ALDH1A1: variants seen among roughly 807,000 people sequenced by gnomAD.
ALDH1A1 encodes aldehyde dehydrogenase 1 family member A1.
In ALDH1A1, 19 loss-of-function variants were observed where a neutral mutation model predicts 62.1. The ratio of observed to expected loss-of-function variants is 0.31; its 90% CI spans 0.21 to 0.45. The LOEUF (loss-of-function observed/expected upper bound fraction) is 0.45. Ranked by LOEUF, ALDH1A1 falls within the 20% of genes least tolerant of loss-of-function variation. The probability of loss-of-function intolerance (pLI) is 1.00; values close to 1 mark genes in which losing one functional copy is unlikely to be tolerated. For synonymous variants in ALDH1A1, 231 were observed against 215.9 expected (o/e 1.07, Z -0.61); for missense variants, 521 against 607.1 (o/e 0.86, Z 1.49).
intron 2 of ALDH1A1, among the ~76,000 whole-genome samples, chr9:72,934,668 C>T (rs1030206886): frequency 6.6e-6 from 1 of 152,162 alleles, no homozygotes; most frequent in Admixed American, 6.5e-5. Context: ...ATCAATCTAC[C>T]TAAAACCTTG....
intron 9 of ALDH1A1, among the ~76,000 whole-genome samples, chr9:72,912,378 T>G (rs1020036360): frequency 8.5e-5 from 13 of 152,154 alleles, no homozygotes; most frequent in Non-Finnish European, 1.3e-4. Flanking sequence ...CATTCAGCAC[T>G]GCAAACACAT....
chr9:72,937,216 C>T (rs924000522), intron 2 of ALDH1A1, among the ~76,000 whole-genome samples: 10 of 151,934 alleles, frequency 6.6e-5, no homozygotes, highest in African/African-American at 2.2e-4. Flanking sequence ...GTATATCTAT[C>T]GAATATAGTA....
At chr9:72,937,358 A>G (rs1830358347) in intron 2 of ALDH1A1, among the ~76,000 whole-genome samples, 1 of 152,214 alleles carries the variant, frequency 6.6e-6, no homozygotes, top group African/African-American at 2.4e-5. Context: ...GTTATAATAC[A>G]GGCAAATACA....
chr9:72,927,067 T>C lies in ALDH1A1; in HGVS notation c.504+49A>G. ...GAGAAAGCTTCATCATTAGATAGAA[T>C]AAGAACTCTTCTTTTTAAAATTGAG... On this transcript the variant is annotated intron_variant, in intron 5 of 12. Coordinates refer to ENST00000297785, the MANE Select transcript of ALDH1A1 (RefSeq NM_000689.5). 2 of 1,339,472 alleles carry C rather than the reference T, an allele frequency of 1.5e-6. 1 individual carries two copies. The highest frequency in any genetic ancestry group is 3.8e-4 in the Middle Eastern group (2 of 5,308). 83.0% of individuals were successfully genotyped at this position (1,339,472 alleles called of 1,614,324 possible).
rs1829955528 is a variant in ALDH1A1, at chr9:72,909,692, T to A, written c.1268A>T (p.Asn423Ile). The change falls in exon 11 of 13, where the codon AAT becomes ATT. Residue 423 changes from asparagine to isoleucine, a missense_variant. By Grantham distance (149) the Asn-to-Ile change is moderately radical. Coordinates refer to ENST00000297785, the MANE Select transcript of ALDH1A1 (RefSeq NM_000689.5). ...SLDDVIKRAN[N>I]TFYGLSAGVF... Reference sequence around the variant, plus strand: ...TCCTGCTGATAAGCCATAGAAAGTATTGTTTGCTCTTTTGATCACGTCATC... The same window carrying A: ...TCCTGCTGATAAGCCATAGAAAGTAATGTTTGCTCTTTTGATCACGTCATC... The A allele has an allele frequency of 3.1e-6, 5 of 1,613,798 alleles. No homozygotes were observed. The highest frequency in any genetic ancestry group is 4.2e-6 in the Non-Finnish European group (5 of 1,179,822).
intron 7 of ALDH1A1, 80 bp from the exon 8 acceptor site, chr9:72,918,902 AT>A: frequency 1.0e-6 from 1 of 986,908 alleles, no homozygotes; most frequent in East Asian, 2.5e-5. Context: ...AATTTATGTG[AT>A]GTTTGTGCCA....
At chr9:72,947,919 A>G (rs1830493378) in intron 1 of ALDH1A1, among the ~76,000 whole-genome samples, 1 of 151,982 alleles carries the variant, frequency 6.6e-6, no homozygotes. Context: ...CAATATAAAT[A>G]TAACTTACAT....
At chr9:72,938,979 A>T (rs1215350170) in intron 2 of ALDH1A1, among the ~76,000 whole-genome samples, 1 of 150,130 alleles carries the variant, frequency 6.7e-6, no homozygotes, top group African/African-American at 2.5e-5. Flanking sequence ...CTGACCTCAG[A>T]TCATCTGCCC....
chr9:72,944,089 A>G (rs1830446655), intron 1 of ALDH1A1, among the ~76,000 whole-genome samples: 1 of 152,106 alleles, frequency 6.6e-6, no homozygotes, highest in African/African-American at 2.4e-5. Context: ...AATTTGTGGC[A>G]GATCCTGATC....
intron 10 of ALDH1A1, among the ~76,000 whole-genome samples, chr9:72,911,160 A>G (rs1271900745): frequency 1.3e-5 from 2 of 152,248 alleles, no homozygotes; most frequent in South Asian, 2.1e-4. Flanking sequence ...ACACATATAT[A>G]CACTCACCAA....
chr9:72,927,578 G>A (rs182563590), intron 4 of ALDH1A1, among the ~76,000 whole-genome samples: 4 of 152,254 alleles, frequency 2.6e-5, no homozygotes, highest in East Asian at 3.9e-4. Flanking sequence ...AAAAAGGGAC[G>A]AGAAAGGAAG....
At chr9:72,907,298 C>A (rs928589403) in intron 11 of ALDH1A1, among the ~76,000 whole-genome samples, 2 of 152,162 alleles carry the variant, frequency 1.3e-5, no homozygotes, top group African/African-American at 4.8e-5. Context: ...AAACTTCCTG[C>A]AACTCTGGAG....
intron 2 of ALDH1A1, among the ~76,000 whole-genome samples, chr9:72,938,047 C>G (rs1168693811): frequency 6.6e-6 from 1 of 152,096 alleles, no homozygotes; most frequent in Admixed American, 6.6e-5. Flanking sequence ...CTGTCACTAT[C>G]TTGGAATAAG....
intron 1 of ALDH1A1, among the ~76,000 whole-genome samples, chr9:72,947,784 C>A (rs562896262): frequency 3.3e-5 from 5 of 151,992 alleles, no homozygotes; most frequent in African/African-American, 1.2e-4. Flanking sequence ...CAGTCATGAT[C>A]TCTGAGCTCG....
chr9:72,933,432 A>G (rs1427274839), intron 2 of ALDH1A1, among the ~76,000 whole-genome samples: 1 of 152,040 alleles, frequency 6.6e-6, no homozygotes, highest in African/African-American at 2.4e-5. Flanking sequence ...TTTAAAATCA[A>G]GGTATGTTGC....
chr9:72,929,112 A>G (rs1564634521), intron 3 of ALDH1A1, 91 bp from the exon 4 acceptor site: 1 of 1,389,976 alleles, frequency 7.2e-7, no homozygotes. Flanking sequence ...TGTGCTAGGG[A>G]ATTTTTGAAA....
At chr9:72,910,298 T>C (rs2118492851) in intron 10 of ALDH1A1, among the ~76,000 whole-genome samples, 1 of 152,296 alleles carries the variant, frequency 6.6e-6, no homozygotes, top group South Asian at 2.1e-4. Flanking sequence ...AGTTACTAAT[T>C]ACTTTTCATA....
At chr9:72,945,072 A>G (rs1588145643) in intron 1 of ALDH1A1, among the ~76,000 whole-genome samples, 1 of 152,146 alleles carries the variant, frequency 6.6e-6, no homozygotes, top group East Asian at 1.9e-4. Flanking sequence ...AATTAGTCAT[A>G]ATTGTGAAAA....
chr9:72,912,580 C>T (rs1052560064), intron 9 of ALDH1A1, among the ~76,000 whole-genome samples: 6 of 152,092 alleles, frequency 3.9e-5, no homozygotes, highest in South Asian at 2.1e-4. Flanking sequence ...AGAAGACTCC[C>T]GAGCCTCTGT....
Sources: allele counts gnomAD v4.1 joint callset (sites outside exome capture counted in the v4.1 genomes callset), GRCh38; gene constraint gnomAD v4.1.1; transcripts MANE v1.5; gene names NCBI Gene and HGNC (gene_info 2026-07-23, HGNC 2026-07-21).